The following MIPOL1 variants were observed in gnomAD, a reference collection of about 807,000 sequenced individuals.
MIPOL1 encodes mirror-image polydactyly 1.
In MIPOL1, 57 loss-of-function variants were observed where a neutral mutation model predicts 60.9. The ratio of observed to expected loss-of-function variants is 0.94; its 90% CI spans 0.76 to 1.17. The LOEUF is 1.17. Among genes scored for constraint, MIPOL1 ranks in the 50% most tolerant of loss-of-function variants. The probability of loss-of-function intolerance (pLI) is 0.00; values close to 1 mark genes in which losing one functional copy is unlikely to be tolerated. For missense variants in MIPOL1, 551 were observed against 511.6 expected (o/e 1.08, Z -0.74); for synonymous variants, 179 against 168.8 (o/e 1.06, Z -0.47).
chr14:37,516,125 G>A (rs1172852197), intron 12 of MIPOL1, among the ~76,000 whole-genome samples: 3 of 152,206 alleles, frequency 2.0e-5, no homozygotes, highest in Non-Finnish European at 4.4e-5. Flanking sequence ...TGTCTATTCA[G>A]TGTGGGGTTT....
chr14:37,436,886 T>C (rs889932013), intron 11 of MIPOL1, among the ~76,000 whole-genome samples: 3 of 152,192 alleles, frequency 2.0e-5, no homozygotes, highest in African/African-American at 7.2e-5. Context: ...AATCATGAAC[T>C]AGTTCTCTAA....
chr14:37,374,958 A>T (rs959314757), intron 10 of MIPOL1, among the ~76,000 whole-genome samples: 1 of 152,172 alleles, frequency 6.6e-6, no homozygotes, highest in Non-Finnish European at 1.5e-5. Context: ...CATTGAATCT[A>T]TAAATTACCT....
intron 11 of MIPOL1, among the ~76,000 whole-genome samples, chr14:37,455,836 T>G (rs931545691): frequency 6.6e-6 from 1 of 152,174 alleles, no homozygotes; most frequent in Admixed American, 6.5e-5. Flanking sequence ...TTTGGTGGTG[T>G]TCTGTGAAAA....
chr14:37,481,670 A>G (rs893660231), intron 11 of MIPOL1, among the ~76,000 whole-genome samples: 1 of 151,660 alleles, frequency 6.6e-6, no homozygotes, highest in Non-Finnish European at 1.5e-5. Flanking sequence ...AGGAATCACA[A>G]TAGCTGATTT....
chr14:37,495,095 T>C (rs926639955), intron 11 of MIPOL1, among the ~76,000 whole-genome samples: 12 of 147,622 alleles, frequency 8.1e-5, no homozygotes, highest in Non-Finnish European at 1.5e-5. Context: ...TCATTGATTC[T>C]TTTTTTTTCT....
At chr14:37,479,102 G>A (rs2094822272) in intron 11 of MIPOL1, among the ~76,000 whole-genome samples, 1 of 151,952 alleles carries the variant, frequency 6.6e-6, no homozygotes, top group Non-Finnish European at 1.5e-5. Flanking sequence ...TTTCCAGTGG[G>A]GTTGGAGAAT....
chr14:37,424,289 A>C (rs10135206), intron 11 of MIPOL1, among the ~76,000 whole-genome samples: 85,436 of 151,954 alleles, frequency 0.56, 25,684 homozygotes, highest in Non-Finnish European at 0.67. Context: ...AAATTAAAAT[A>C]AAGTCAGTAG....
chr14:37,337,898 T>G (rs1490231395), intron 9 of MIPOL1, among the ~76,000 whole-genome samples: 1 of 151,960 alleles, frequency 6.6e-6, no homozygotes, highest in Non-Finnish European at 1.5e-5. Context: ...AAAATCCAAT[T>G]TATTTTTTCT....
intron 10 of MIPOL1, among the ~76,000 whole-genome samples, chr14:37,396,761 T>C (rs918801713): frequency 2.0e-5 from 3 of 152,198 alleles, no homozygotes; most frequent in Non-Finnish European, 2.9e-5. Context: ...CTTGTTCTAT[T>C]CTATTGCCGA....
In MIPOL1 at chr14:37,442,088, TTGTGTGTGTG is replaced by T. The variant is rs3985271; in HGVS notation, c.1031+19173_1031+19182del. On this transcript the variant is annotated intron_variant, in intron 11 of 12. Coordinates refer to ENST00000684589, the MANE Select transcript of MIPOL1 (RefSeq NM_001388067.1). Reference sequence around the variant, plus strand: ...AAAGTTTCATTCTCTTTCTACTTTGTTGTGTGTGTGTGTGTGTGTGTGTGTGTGTGTGTGT... The same window carrying T: ...AAAGTTTCATTCTCTTTCTACTTTGTTGTGTGTGTGTGTGTGTGTGTGTGT... Among the ~76,000 whole-genome samples, 883 of 143,798 alleles carry T rather than the reference TTGTGTGTGTG, an allele frequency of 6.1e-3. 10 individuals are homozygous for T. The highest frequency in any genetic ancestry group is 0.02 in the African/African-American group (786 of 38,698). 94.3% of individuals were successfully genotyped at this position (143,798 alleles called of 152,430 possible).
chr14:37,447,471 T>C (rs140262093), intron 11 of MIPOL1, among the ~76,000 whole-genome samples: 111 of 152,292 alleles, frequency 7.3e-4, no homozygotes, highest in African/African-American at 2.5e-3. Context: ...TTCAAAAAGA[T>C]AGAACCAAAT....
intron 7 of MIPOL1, among the ~76,000 whole-genome samples, chr14:37,297,970 C>G (rs545169485): frequency 2.3e-4 from 35 of 152,204 alleles, no homozygotes; most frequent in Non-Finnish European, 4.6e-4. Context: ...CATGTGGAAG[C>G]AAAAAAGAGC....
intron 11 of MIPOL1, among the ~76,000 whole-genome samples, chr14:37,476,467 G>A (rs1211756213): frequency 2.0e-5 from 3 of 152,060 alleles, no homozygotes; most frequent in East Asian, 1.9e-4. Context: ...CTTCTAGTGC[G>A]ATGTTGAATA....
intron 11 of MIPOL1, chr14:37,423,423 A>G (rs1184112813): frequency 6.6e-6 from 1 of 151,596 alleles, no homozygotes; most frequent in Non-Finnish European, 1.5e-5. Context: ...AGTATTCACA[A>G]CTACCCCTGT....
intron 12 of MIPOL1, among the ~76,000 whole-genome samples, chr14:37,508,176 A>G (rs1344628263): frequency 2.0e-5 from 3 of 152,156 alleles, no homozygotes; most frequent in Non-Finnish European, 4.4e-5. Flanking sequence ...TGTTTTAGAA[A>G]GTTCTTTGAA....
chr14:37,342,631 G>T lies in MIPOL1; in HGVS notation c.829-26886G>T, dbSNP rs531765560. 2.4e-3 allele frequency among the ~76,000 whole-genome samples: 359 copies of T among 151,872 alleles called. 3 individuals are homozygous for T. The highest frequency in any genetic ancestry group is 8.0e-3 in the African/African-American group (333 of 41,450). On this transcript the variant is annotated intron_variant, in intron 9 of 12. Transcript: ENST00000684589. ...CAGGCTGGTCTCGAACTCCTGACCT[G>T]GTGATCCACCCTCCTCAGCCTCCCA...
intron 3 of MIPOL1, among the ~76,000 whole-genome samples, chr14:37,257,728 A>AAAATT (rs1975197659): frequency 6.6e-6 from 1 of 152,140 alleles, no homozygotes; most frequent in South Asian, 2.1e-4. Flanking sequence ...GCTGTGGAGA[A>AAAATT]AAATTAAAGT....
At chr14:37,456,839 T>C (rs2094481451) in intron 11 of MIPOL1, among the ~76,000 whole-genome samples, 1 of 152,116 alleles carries the variant, frequency 6.6e-6, no homozygotes, top group African/African-American at 2.4e-5. Context: ...TTTATTTTCT[T>C]ATAAAAATAT....
intron 10 of MIPOL1, among the ~76,000 whole-genome samples, chr14:37,375,383 T>G (rs946230671): frequency 6.6e-6 from 1 of 151,948 alleles, no homozygotes; most frequent in Non-Finnish European, 1.5e-5. Flanking sequence ...GATTTTTTTA[T>G]TATTTGTAGA....
Sources: allele counts gnomAD v4.1 joint callset (sites outside exome capture counted in the v4.1 genomes callset), GRCh38; gene constraint gnomAD v4.1.1; transcripts MANE v1.5; gene names NCBI Gene and HGNC (gene_info 2026-07-23, HGNC 2026-07-21).